YIPF6: variants seen among roughly 807,000 people sequenced by gnomAD.
The protein encoded by YIPF6 is Yip1 domain family member 6, also known as protein YIPF6.
YIPF6 carries 3 observed loss-of-function variants against 16.8 expected under a neutral mutation model. That is an observed-to-expected ratio of 0.18 (90% CI 0.08 to 0.46). The LOEUF is 0.46. YIPF6 is among the 20% of genes least tolerant of loss of function. The pLI is 0.98. For missense variants in YIPF6, 145 were observed against 184.9 expected, an observed-to-expected ratio of 0.78 and a Z score of 1.25; for synonymous variants, 67 against 61.9, an observed-to-expected ratio of 1.08 and a Z score of -0.38.
At chrX:68,526,819 G>A (rs1244986895) in intron 6 of YIPF6, among the ~76,000 whole-genome samples, 1 of 112,133 alleles carries the variant, frequency 8.9e-6, no homozygotes, top group Non-Finnish European at 1.9e-5. Flanking sequence ...TCCCAGGGAT[G>A]AAGCTGACTT....
chrX:68,505,577 C>CGAA (rs1569323266), intron 1 of YIPF6, among the ~76,000 whole-genome samples: 1 of 111,549 alleles, frequency 9.0e-6, no homozygotes, highest in Admixed American at 9.6e-5. Flanking sequence ...GGATTAAGTG[C>CGAA]GAAAGTAAAG....
intron 1 of YIPF6, among the ~76,000 whole-genome samples, chrX:68,509,164 C>A (rs1313292624): frequency 9.2e-6 from 1 of 108,437 alleles, no homozygotes; most frequent in Admixed American, 1.0e-4. Flanking sequence ...GGCTGGATTG[C>A]AATGGCGTGA....
At chrX:68,530,479 C>G (rs2079166634) in intron 6 of YIPF6, among the ~76,000 whole-genome samples, 1 of 110,468 alleles carries the variant, frequency 9.1e-6, no homozygotes, top group South Asian at 4.0e-4. Context: ...GTGAACACTT[C>G]TGTCTCGCTG....
chrX:68,519,497 A>C (rs185299409), intron 4 of YIPF6, among the ~76,000 whole-genome samples: 75 of 109,615 alleles, frequency 6.8e-4, no homozygotes, highest in African/African-American at 2.2e-3. Flanking sequence ...AAATTATTTT[A>C]TTTTTCTTTT....
chrX:68,510,292 G>A (rs905938439), intron 1 of YIPF6, among the ~76,000 whole-genome samples: 4 of 111,257 alleles, frequency 3.6e-5, no homozygotes, highest in Non-Finnish European at 7.5e-5. Context: ...TCAATACATG[G>A]TAGTTTCATT....
In YIPF6 at chrX:68,532,203, T is replaced by G; in HGVS notation, c.*204T>G. ...GTTTGAAAGGCTGTTCTTTTCTCTC[T>G]TAATGTCATTTCTTTAAAAATACAT... On this transcript the variant is annotated 3_prime_UTR_variant, in exon 7 of 7. Transcript: ENST00000462683. 2 of 369,651 alleles carry G rather than the reference T, an allele frequency of 5.4e-6. No homozygotes were observed. The allele number at this position is 369,651 out of a possible 1,213,427, so 30.5% of individuals were successfully genotyped here.
rs1285342052 is a variant in YIPF6, at chrX:68,523,140, TA to T, written c.592+236del. ...GAGAGTCACATCTTTTTTCTTTCTT[TA>T]AAAAAAAAAAAAGGTTGGGAAAGTG... On this transcript the variant is annotated intron_variant, in intron 6 of 6. Transcript: ENST00000462683. Among the ~76,000 whole-genome samples, 770 of 98,977 alleles carry T rather than the reference TA, an allele frequency of 7.8e-3. 3 individuals carry two copies. Among genetic ancestry groups the T allele is most frequent in the African/African-American group, 0.021 (582 of 27,399 alleles). The allele number at this position is 98,977 out of a possible 115,157, so 85.9% of individuals were successfully genotyped here. A position where few individuals can be genotyped will look rare whatever the true frequency, so the allele number is the denominator to read the frequency against.
chrX:68,521,248 C>T, intron 4 of YIPF6, 124 bp from the exon 5 acceptor site: 1 of 841,070 alleles, frequency 1.2e-6, no homozygotes, highest in Non-Finnish European at 1.6e-6. Flanking sequence ...GCACAACCTA[C>T]ATATTACAGA....
At chrX:68,529,257 G>A (rs1212366967) in intron 6 of YIPF6, among the ~76,000 whole-genome samples, 1 of 108,650 alleles carries the variant, frequency 9.2e-6, no homozygotes, top group African/African-American at 3.4e-5. Context: ...CTTTTCTTCT[G>A]CTTGATCGAT....
rs980297893 is a variant in YIPF6, at chrX:68,534,586, G to A, written c.*2587G>A. ...ATTTTTTTTTTTCTAAACAGGAAAA[G>A]GGTTAAATGAAGGTTGATAAAATGG... is the stretch of plus-strand genomic sequence containing the variant. On this transcript the variant is annotated 3_prime_UTR_variant, in exon 7 of 7. Coordinates refer to ENST00000462683, the MANE Select transcript of YIPF6 (RefSeq NM_173834.4). 6 of 111,174 alleles carry A rather than the reference G, an allele frequency of 5.4e-5. No homozygotes were observed. The highest frequency in any genetic ancestry group is 1.1e-4 in the Non-Finnish European group (6 of 53,063). The allele number at this position is 111,174 out of a possible 1,213,427, so 9.2% of individuals were successfully genotyped here.
At chrX:68,508,507 TTTTTC>T (rs1422111786) in intron 1 of YIPF6, among the ~76,000 whole-genome samples, 2 of 112,090 alleles carry the variant, frequency 1.8e-5, no homozygotes, top group Admixed American at 9.5e-5. Flanking sequence ...ACTCTATTCT[TTTTTC>T]TTTTCTTCTT....
intron 6 of YIPF6, among the ~76,000 whole-genome samples, chrX:68,531,057 G>T (rs1426307251): frequency 9.0e-6 from 1 of 111,187 alleles, no homozygotes; most frequent in East Asian, 2.8e-4. Context: ...TCAGCCTCCC[G>T]AGTAGCCGAG....
At chrX:68,508,816 TA>T (rs1186539440) in intron 1 of YIPF6, among the ~76,000 whole-genome samples, 1 of 112,154 alleles carries the variant, frequency 8.9e-6, no homozygotes, top group Non-Finnish European at 1.9e-5. Flanking sequence ...CTGGTTTTGT[TA>T]ATTGCTTTGT....
intron 1 of YIPF6, 94 bp from the exon 2 acceptor site, chrX:68,511,755 A>G: frequency 9.6e-7 from 1 of 1,041,567 alleles, no homozygotes; most frequent in Non-Finnish European, 1.3e-6. Context: ...AACCCTACAA[A>G]ATACATGGTC....
rs1237325837 is a variant in YIPF6 at position 68,511,976 on chromosome X, T to C, written c.185T>C (p.Ile62Thr). The C allele has an allele frequency of 1.7e-6, 2 of 1,205,788 alleles. No individual in the cohort carries two copies. Among genetic ancestry groups the C allele is most frequent in the Non-Finnish European group, 1.1e-6 (1 of 893,414 alleles). The part of the protein sequence containing the change: ...STLNESVRNT[I>T]MRDLKAVGKK... ...TTAAATGAATCTGTTCGCAATACCA[T>C]CGTAAGTTAGACTAGTTGAGAGAAC... The change falls in exon 2 of 7, where the codon ATC becomes ACC. Residue 62 changes from isoleucine to threonine, a missense_variant and splice_region_variant. By Grantham distance (89) the Ile-to-Thr change is moderately conservative. Coordinates refer to ENST00000462683, the MANE Select transcript of YIPF6 (RefSeq NM_173834.4).
intron 5 of YIPF6, among the ~76,000 whole-genome samples, chrX:68,522,292 G>C (rs901811742): frequency 9.3e-6 from 1 of 107,503 alleles, no homozygotes; most frequent in Non-Finnish European, 1.9e-5. Flanking sequence ...GAAAATTAAA[G>C]CATGTACTTA....
chrX:68,503,906 A>G (rs1429705492), intron 1 of YIPF6, among the ~76,000 whole-genome samples: 1 of 111,965 alleles, frequency 8.9e-6, no homozygotes, highest in Non-Finnish European at 1.9e-5. Context: ...TTGGGTAGAG[A>G]CGGGGTTTCA....
chrX:68,512,265 A>G (rs2079084027), intron 2 of YIPF6, among the ~76,000 whole-genome samples: 2 of 110,287 alleles, frequency 1.8e-5, no homozygotes, highest in African/African-American at 6.6e-5. Context: ...TTCGAGACCA[A>G]CCTGGCCCAG....
chrX:68,499,816 T>G (rs1395029646), intron 1 of YIPF6, among the ~76,000 whole-genome samples: 1 of 111,717 alleles, frequency 9.0e-6, no homozygotes, highest in East Asian at 2.8e-4. Context: ...TTTTAGTATT[T>G]TTTTGTAGAG....
Sources: gnomAD v4.1 joint callset for allele counts (sites outside exome capture counted in the v4.1 genomes callset) on GRCh38, gnomAD v4.1.1 for gene constraint, MANE v1.5 for transcripts, NCBI Gene and HGNC (gene_info 2026-07-23, HGNC 2026-07-21) for gene names.